Variants in CA10 observed in about 807,000 individuals in gnomAD.
The protein encoded by CA10 is carbonic anhydrase-related protein 10.
Under a neutral mutation model 44.2 loss-of-function variants are expected in CA10, and 14 were observed. The ratio of observed to expected loss-of-function variants is 0.32; its 90% CI spans 0.21 to 0.50. The LOEUF (loss-of-function observed/expected upper bound fraction) is 0.50. Among genes scored for constraint, CA10 ranks in the 20% least tolerant of loss-of-function variants. The pLI is 0.99. For missense variants in CA10, 350 were observed against 409.7 expected (o/e 0.85, Z 1.26); for synonymous variants, 159 against 141.6 (o/e 1.12, Z -0.87).
At chr17:51,935,747 A>T (rs1418572472) in intron 2 of CA10, among the ~76,000 whole-genome samples, 1 of 152,190 alleles carries the variant, frequency 6.6e-6, no homozygotes. Flanking sequence ...GCAAACCCAA[A>T]GCAAAACTTA....
chr17:51,898,040 A>G (rs1232307979), intron 3 of CA10, among the ~76,000 whole-genome samples: 2 of 151,928 alleles, frequency 1.3e-5, no homozygotes, highest in African/African-American at 4.8e-5. Flanking sequence ...TGCTCTTCCT[A>G]TTTGGGTGTC....
At position 51,905,553 on chromosome 17, in the gene CA10, C is replaced by T. The variant is rs1164625479; in HGVS notation, c.279+25437G>A. Among the ~76,000 whole-genome samples the T allele has an allele frequency of 3.0e-5, 3 of 99,776 alleles. No individual in the cohort carries two copies. In the East Asian group the frequency reaches 9.9e-4, roughly 33 times the overall value. The allele number at this position is 99,776 out of a possible 152,430, so 65.5% of individuals were successfully genotyped here. A position where few individuals can be genotyped will look rare whatever the true frequency, so the allele number is the denominator to read the frequency against. ...TTTTTTTTTTTTTTTTTTTTTTTTA[C>T]AACTCTACCCTTTGCTGCTGTCTTT... is the stretch of plus-strand genomic sequence containing the variant. On this transcript the variant is annotated intron_variant, in intron 3 of 8. Transcript: ENST00000451037.
At chr17:51,700,026 T>G (rs1915538024) in intron 4 of CA10, among the ~76,000 whole-genome samples, 3 of 152,086 alleles carry the variant, frequency 2.0e-5, no homozygotes, top group Admixed American at 1.3e-4. Flanking sequence ...CAAAGTACTT[T>G]CCTTCCTTCC....
chr17:51,810,678 T>C (rs755525533), intron 3 of CA10, among the ~76,000 whole-genome samples: 1 of 152,068 alleles, frequency 6.6e-6, no homozygotes, highest in African/African-American at 2.4e-5. Flanking sequence ...AGATATGACA[T>C]GATCAAATCA....
intron 2 of CA10, among the ~76,000 whole-genome samples, chr17:52,052,758 A>T (rs1049057143): frequency 1.3e-5 from 2 of 152,114 alleles, no homozygotes; most frequent in Admixed American, 1.3e-4. Context: ...CTCGGAGCAG[A>T]AGCAGCTTAC....
chr17:51,970,574 C>T (rs2144068504), intron 2 of CA10, among the ~76,000 whole-genome samples: 1 of 152,144 alleles, frequency 6.6e-6, no homozygotes, highest in Non-Finnish European at 1.5e-5. Context: ...TAATCCAATG[C>T]TAAAATGACT....
At chr17:51,882,530 G>T (rs1247148734) in intron 3 of CA10, among the ~76,000 whole-genome samples, 1 of 152,258 alleles carries the variant, frequency 6.6e-6, no homozygotes, top group East Asian at 1.9e-4. Context: ...GCTTTCTCCA[G>T]GTATCACCTG....
chr17:51,679,828 A>G (rs924550585), intron 4 of CA10, among the ~76,000 whole-genome samples: 2 of 152,196 alleles, frequency 1.3e-5, no homozygotes, highest in African/African-American at 4.8e-5. Context: ...CTATTTTTGT[A>G]TGGCCCATGA....
chr17:52,079,799 T>C (rs1987920187), intron 1 of CA10, among the ~76,000 whole-genome samples: 1 of 152,202 alleles, frequency 6.6e-6, no homozygotes, highest in Non-Finnish European at 1.5e-5. Context: ...GTGTTTCATT[T>C]AAAAGCAAAG....
chr17:52,064,657 A>G (rs997821257), intron 2 of CA10, among the ~76,000 whole-genome samples: 1 of 152,112 alleles, frequency 6.6e-6, no homozygotes, highest in Non-Finnish European at 1.5e-5. Context: ...TCCTTGTCCA[A>G]TAATCTTTAG....
At chr17:51,942,154 C>A (rs1983103070) in intron 2 of CA10, among the ~76,000 whole-genome samples, 1 of 152,096 alleles carries the variant, frequency 6.6e-6, no homozygotes, top group Non-Finnish European at 1.5e-5. Context: ...CTATAGAAAC[C>A]TCCAGCTGTT....
chr17:52,125,994 G>A (rs1324879077), intron 1 of CA10, among the ~76,000 whole-genome samples: 1 of 152,044 alleles, frequency 6.6e-6, no homozygotes, highest in Admixed American at 6.6e-5. Flanking sequence ...TAAGTGCTAG[G>A]TACTATTCTA....
intron 3 of CA10, among the ~76,000 whole-genome samples, chr17:51,848,020 AG>A (rs1232033820): frequency 1.3e-5 from 2 of 152,224 alleles, no homozygotes; most frequent in Non-Finnish European, 2.9e-5. Context: ...TTACAGAGCC[AG>A]GGCTAGGTTA....
intron 3 of CA10, among the ~76,000 whole-genome samples, chr17:51,806,645 C>T (rs1292195662): frequency 6.6e-6 from 1 of 152,214 alleles, no homozygotes; most frequent in Non-Finnish European, 1.5e-5. Flanking sequence ...TGATGCATCT[C>T]TTCAAGGATC....
chr17:52,134,375 G>T (rs933442349), intron 1 of CA10, among the ~76,000 whole-genome samples: 5 of 152,116 alleles, frequency 3.3e-5, no homozygotes, highest in Non-Finnish European at 7.3e-5. Flanking sequence ...GTACTTTCTA[G>T]TGCCAAACTT....
chr17:52,119,817 C>T (rs1291546441), intron 1 of CA10, among the ~76,000 whole-genome samples: 2 of 152,184 alleles, frequency 1.3e-5, no homozygotes, highest in African/African-American at 4.8e-5. Context: ...AAAACTTAGA[C>T]ATTTGTCATT....
At chr17:51,677,896 C>CCCA (rs1555583342) in intron 4 of CA10, among the ~76,000 whole-genome samples, 10 of 142,172 alleles carry the variant, frequency 7.0e-5, no homozygotes, top group Non-Finnish European at 1.4e-4. Context: ...CCCCCCCCCC[C>CCCA]ACCGGCTGCC....
intron 4 of CA10, among the ~76,000 whole-genome samples, chr17:51,673,283 G>A (rs772510592): frequency 7.9e-5 from 12 of 152,180 alleles, no homozygotes; most frequent in Non-Finnish European, 1.5e-4. Context: ...GGCAATTCAT[G>A]CAGATACCTC....
chr17:51,928,482 T>G (rs957344509), intron 3 of CA10, among the ~76,000 whole-genome samples: 2 of 152,116 alleles, frequency 1.3e-5, no homozygotes, highest in African/African-American at 4.8e-5. Flanking sequence ...TCAAATATGT[T>G]AAAATAAACA....
Sources: allele counts gnomAD v4.1 joint callset (sites outside exome capture counted in the v4.1 genomes callset), GRCh38; gene constraint gnomAD v4.1.1; transcripts MANE v1.5; gene names NCBI Gene and HGNC (gene_info 2026-07-23, HGNC 2026-07-21).